The following OTC variants were observed in gnomAD, a reference collection of about 807,000 sequenced individuals.
OTC encodes the protein ornithine transcarbamylase, mitochondrial.
In OTC, 3 loss-of-function variants were observed where a neutral mutation model predicts 30.3. The observed-to-expected ratio is 0.10, with a 90% CI of 0.05 to 0.26. The LOEUF is 0.26. Ranked by LOEUF, OTC falls within the 10% of genes least tolerant of loss-of-function variation. The pLI is 1.00. For missense variants in OTC, 194 were observed against 260.3 expected, an observed-to-expected ratio of 0.75 and a Z score of 1.75; for synonymous variants, 111 against 99.7, an observed-to-expected ratio of 1.11 and a Z score of -0.67.
intron 3 of OTC, among the ~76,000 whole-genome samples, chrX:38,377,233 A>G (rs1473749398): frequency 8.9e-6 from 1 of 112,287 alleles, no homozygotes; most frequent in Non-Finnish European, 1.9e-5. Context: ...CACTGACAAA[A>G]TTAAGAAGAA....
At chrX:38,335,760 T>C in the OTC span, among the ~76,000 whole-genome samples, 1 of 112,635 alleles carries the variant, frequency 8.9e-6, no homozygotes, top group South Asian at 3.6e-4. Flanking sequence ...CTGCCCTTTG[T>C]GATTGGGAAT....
chrX:38,354,728 A>G (rs2068232022), intron 1 of OTC, among the ~76,000 whole-genome samples: 1 of 111,580 alleles, frequency 9.0e-6, no homozygotes, highest in Non-Finnish European at 1.9e-5. Flanking sequence ...TAGAAACTCA[A>G]TAGTGTGAAT....
chrX:38,377,352 C>T (rs191915474), intron 3 of OTC, among the ~76,000 whole-genome samples: 1 of 111,140 alleles, frequency 9.0e-6, no homozygotes, highest in Admixed American at 9.6e-5. Context: ...TAAATGCCTA[C>T]ATCAAAAAAA....
intron 4 of OTC, among the ~76,000 whole-genome samples, chrX:38,386,133 G>T (rs1348374021): frequency 9.3e-6 from 1 of 107,451 alleles, no homozygotes; most frequent in Non-Finnish European, 1.9e-5. Flanking sequence ...CCAGCACCTT[G>T]GGAGGCCAAG....
At position 38,352,668 on chromosome X, in the gene OTC, A is replaced by G. The variant is rs749567544; in HGVS notation, c.-29A>G. 3 of 1,126,021 alleles carry G rather than the reference A, an allele frequency of 2.7e-6. No individual in the cohort carries two copies. The highest frequency in any genetic ancestry group is 3.7e-6 in the Non-Finnish European group (3 of 817,544). 92.8% of individuals were successfully genotyped at this position (1,126,021 alleles called of 1,213,427 possible). A position where few individuals can be genotyped will look rare whatever the true frequency, so the allele number is the denominator to read the frequency against. ...CTTGCTGTGGAGTTTTCAAGGGCAT[A>G]GAATCGTCCTTTACACAATTAAAAG... On this transcript the variant is annotated 5_prime_UTR_variant, in exon 1 of 10. It adds an upstream start codon to the 5' untranslated region. Coordinates refer to ENST00000039007, the MANE Select transcript of OTC (RefSeq NM_000531.6).
At chrX:38,421,858 C>T (rs140611344), downstream of OTC, among the ~76,000 whole-genome samples, 904 of 111,694 alleles carry the variant, frequency 8.1e-3, 12 homozygotes, top group African/African-American at 0.028. Flanking sequence ...GCTTATCATG[C>T]ATCTACTCAC....
At chrX:38,354,291 A>T (rs1486016856) in intron 1 of OTC, among the ~76,000 whole-genome samples, 2 of 111,987 alleles carry the variant, frequency 1.8e-5, no homozygotes, top group African/African-American at 6.5e-5. Context: ...AAAGTGACAG[A>T]CCAATGTTCA....
At chrX:38,333,181 C>T in the OTC span, among the ~76,000 whole-genome samples, 1 of 101,432 alleles carries the variant, frequency 9.9e-6, no homozygotes, top group East Asian at 3.0e-4. Flanking sequence ...CACCACTGCA[C>T]TCCAGCCTGG....
intron 4 of OTC, among the ~76,000 whole-genome samples, chrX:38,386,603 G>A (rs941173318): frequency 1.8e-5 from 2 of 110,688 alleles, no homozygotes; most frequent in Non-Finnish European, 3.8e-5. Flanking sequence ...TGTTCTCCGC[G>A]TTCGTTCGTG....
chrX:38,404,210 C>A (rs769096229), intron 6 of OTC, among the ~76,000 whole-genome samples: 1 of 112,389 alleles, frequency 8.9e-6, no homozygotes, highest in South Asian at 3.7e-4. Context: ...TATTTCAAAA[C>A]TCAACTCTGG....
At chrX:38,382,961 A>G (rs769300415) in intron 4 of OTC, among the ~76,000 whole-genome samples, 1 of 112,230 alleles carries the variant, frequency 8.9e-6, no homozygotes, top group Non-Finnish European at 1.9e-5. Context: ...ACAAACAGCC[A>G]AGCATGGGCT....
chrX:38,394,752 T>C (rs2068445856), intron 4 of OTC, among the ~76,000 whole-genome samples: 1 of 111,608 alleles, frequency 9.0e-6, no homozygotes, highest in African/African-American at 3.3e-5. Flanking sequence ...AGGATTAGCC[T>C]TTAATAATCT....
At chrX:38,367,237 T>C in intron 1 of OTC, 54 bp from the exon 2 acceptor site, 6 of 1,028,511 alleles carry the variant, frequency 5.8e-6, no homozygotes, top group Non-Finnish European at 2.7e-6. Context: ...ATCACCATAG[T>C]ACATGGGTCT....
intron 1 of OTC, among the ~76,000 whole-genome samples, chrX:38,361,677 A>G (rs1251770217): frequency 9.0e-6 from 1 of 111,114 alleles, no homozygotes; most frequent in Non-Finnish European, 1.9e-5. Flanking sequence ...CTAAGATGAG[A>G]AAGCAAGCAC....
intron 1 of OTC, among the ~76,000 whole-genome samples, chrX:38,361,870 G>C (rs1421966039): frequency 9.0e-6 from 1 of 111,640 alleles, no homozygotes; most frequent in Non-Finnish European, 1.9e-5. Flanking sequence ...AAAAGTCACA[G>C]AACGATTACA....
intron 4 of OTC, among the ~76,000 whole-genome samples, chrX:38,382,263 A>G (rs1392451573): frequency 1.8e-5 from 2 of 112,121 alleles, no homozygotes; most frequent in African/African-American, 6.5e-5. Flanking sequence ...ATTATAATGA[A>G]ACTGAAGCAT....
the OTC span, among the ~76,000 whole-genome samples, chrX:38,328,730 C>T: frequency 4.5e-5 from 5 of 111,796 alleles, no homozygotes; most frequent in African/African-American, 6.5e-5. Flanking sequence ...TTATGTGTGT[C>T]CCTGAAATCA....
the OTC span, among the ~76,000 whole-genome samples, chrX:38,340,459 G>GTTTTTTTTTTT: frequency 1.3e-3 from 76 of 60,487 alleles, no homozygotes; most frequent in Non-Finnish European, 1.6e-3. Context: ...TTGTTTTTTT[G>GTTTTTTTTTTT]TTTTTTTTTT....
At chrX:38,364,707 G>T (rs1215492263) in intron 1 of OTC, among the ~76,000 whole-genome samples, 2 of 109,598 alleles carry the variant, frequency 1.8e-5, no homozygotes, top group Non-Finnish European at 3.8e-5. Context: ...CACAAGAATT[G>T]CTTCAACCCA....
Sources: gnomAD v4.1 joint callset for allele counts (sites outside exome capture counted in the v4.1 genomes callset) on GRCh38, gnomAD v4.1.1 for gene constraint, MANE v1.5 for transcripts, NCBI Gene and HGNC (gene_info 2026-07-23, HGNC 2026-07-21) for gene names.